ADAM22: variants seen among roughly 807,000 people sequenced by gnomAD.
ADAM22 encodes disintegrin and metalloproteinase domain-containing protein 22.
A neutral mutation model predicts 144.6 loss-of-function variants in ADAM22; 65 were observed. The observed-to-expected ratio is 0.45, with a 90% CI of 0.37 to 0.55. The LOEUF (loss-of-function observed/expected upper bound fraction) is 0.55, where lower values mean the gene tolerates loss of function less well. Among genes scored for constraint, ADAM22 ranks in the 20% least tolerant of loss-of-function variants. The pLI is 0.00. For synonymous variants in ADAM22, 391 were observed against 412.6 expected, an observed-to-expected ratio of 0.95 and a Z score of 0.63; for missense variants, 974 against 1,184.9, an observed-to-expected ratio of 0.82 and a Z score of 2.61.
chr7:88,166,919 G>A (rs559168411), intron 24 of ADAM22, among the ~76,000 whole-genome samples: 4 of 152,076 alleles, frequency 2.6e-5, no homozygotes, highest in African/African-American at 9.7e-5. Context: ...AGGAAGGGGG[G>A]GCAGACATGC....
chr7:88,105,881 A>G (rs1824240653), intron 4 of ADAM22, among the ~76,000 whole-genome samples: 1 of 152,214 alleles, frequency 6.6e-6, no homozygotes, highest in South Asian at 2.1e-4. Flanking sequence ...TTATAATAGC[A>G]GCAAACACTT....
intron 3 of ADAM22, among the ~76,000 whole-genome samples, chr7:88,049,318 C>A (rs1805547616): frequency 6.6e-6 from 1 of 152,140 alleles, no homozygotes; most frequent in African/African-American, 2.4e-5. Flanking sequence ...AGTCTAACAT[C>A]TTTTCTCATT....
intron 29 of ADAM22, among the ~76,000 whole-genome samples, chr7:88,184,957 A>C (rs1847949818): frequency 6.6e-6 from 1 of 152,216 alleles, no homozygotes; most frequent in African/African-American, 2.4e-5. Flanking sequence ...CTCCTCCCGG[A>C]AGTGGCCGTC....
chr7:87,978,393 C>G lies in ADAM22; in HGVS notation c.304C>G (p.Leu102Val), dbSNP rs1368093363. The G allele has an allele frequency of 1.2e-6, 2 of 1,613,490 alleles. No individual in the cohort carries two copies. The highest frequency in any genetic ancestry group is 1.7e-6 in the Non-Finnish European group (2 of 1,179,768). ...QVDAFGTSFI[L>V]DVVLNHDLLS... is the part of the protein sequence containing the mutation. ...TGATGCCTTTGGAACGTCATTCATT[C>G]TCGATGTCGTGCTAAATCAGTAAGT... Residue 102 changes from leucine (L) to valine (V), a missense_variant, in exon 3 of 32, where the codon CTC (leucine) becomes GTC (valine). Physicochemically the swap from Leu to Val is conservative, Grantham distance 32. Around this residue, in one of 2 missense-constraint regions of ADAM22, gnomAD observed 240 missense variants for 234.3 expected, o/e 1.02. Coordinates refer to ENST00000413139, the MANE Select transcript of ADAM22 (RefSeq NM_001324418.2).
chr7:87,996,969 G>A (rs1315581138), intron 3 of ADAM22, among the ~76,000 whole-genome samples: 1 of 152,162 alleles, frequency 6.6e-6, no homozygotes, highest in Non-Finnish European at 1.5e-5. Context: ...GGCATGTGGA[G>A]GTGCTCAGTG....
intron 30 of ADAM22, among the ~76,000 whole-genome samples, chr7:88,188,993 G>T (rs1003516564): frequency 1.3e-5 from 2 of 152,190 alleles, no homozygotes; most frequent in African/African-American, 4.8e-5. Context: ...TGGCTTTGCG[G>T]CATCCTTATC....
At chr7:88,030,267 T>G (rs958564099) in intron 3 of ADAM22, among the ~76,000 whole-genome samples, 3 of 152,168 alleles carry the variant, frequency 2.0e-5, no homozygotes, top group African/African-American at 7.2e-5. Flanking sequence ...TGAGAGACTC[T>G]GATGTATTCT....
intron 9 of ADAM22, among the ~76,000 whole-genome samples, chr7:88,129,150 G>A (rs1481246114): frequency 6.6e-6 from 1 of 152,008 alleles, no homozygotes; most frequent in African/African-American, 2.4e-5. Context: ...AGCTTAGGAT[G>A]AAGTTTCTTA....
chr7:87,978,540 T>C (rs1852458167), intron 3 of ADAM22, 128 bp downstream of exon 3: 1 of 659,240 alleles, frequency 1.5e-6, no homozygotes, highest in Non-Finnish European at 2.5e-6. Context: ...CATTTTAAAC[T>C]ATACTTATTT....
intron 3 of ADAM22, among the ~76,000 whole-genome samples, chr7:87,994,456 C>T (rs1354716024): frequency 1.3e-5 from 2 of 152,010 alleles, no homozygotes; most frequent in Admixed American, 6.6e-5. Context: ...CCACCGCGCC[C>T]GGCCTAGTTA....
At chr7:88,115,007 C>T (rs1454537929) in intron 6 of ADAM22, among the ~76,000 whole-genome samples, 1 of 151,618 alleles carries the variant, frequency 6.6e-6, no homozygotes, top group East Asian at 1.9e-4. Context: ...AATCCCAGCA[C>T]TATTGGAGGC....
Position 88,042,965 on chromosome 7 carries a change from A to T in ADAM22, c.324-32661A>T, listed in dbSNP as rs376574636. On this transcript the variant is annotated intron_variant, in intron 3 of 31. Coordinates refer to ENST00000413139, the MANE Select transcript of ADAM22 (RefSeq NM_001324418.2). The stretch of plus-strand genomic sequence containing the variant: ...ACACCATAGCTGTAAAAGAAGAAAA[A>T]GTTGCTTCTGGTAGCAAGAAGGTGG... Among the ~76,000 whole-genome samples the T allele has an allele frequency of 2.6e-5, 4 of 151,512 alleles. No homozygotes were observed. The East Asian group carries it at 7.7e-4, about 29-fold the overall frequency.
intron 3 of ADAM22, among the ~76,000 whole-genome samples, chr7:88,013,856 A>G (rs1795992593): frequency 6.6e-6 from 1 of 152,222 alleles, no homozygotes. Context: ...TGATGATGAG[A>G]GCGATTTGTC....
At chr7:88,162,987 T>A in intron 22 of ADAM22, 25 bp from the exon 23 acceptor site, 1 of 1,599,190 alleles carries the variant, frequency 6.3e-7, no homozygotes, top group Non-Finnish European at 8.5e-7. Context: ...AATAGATTCA[T>A]TTTTTGCTCT....
intron 22 of ADAM22, among the ~76,000 whole-genome samples, chr7:88,156,922 A>G (rs534774436): frequency 6.6e-6 from 1 of 152,218 alleles, no homozygotes; most frequent in East Asian, 1.9e-4. Context: ...GAAAAAAAAA[A>G]GACAAAAACA....
chr7:88,070,099 G>T (rs904026745), intron 3 of ADAM22, among the ~76,000 whole-genome samples: 10 of 152,060 alleles, frequency 6.6e-5, no homozygotes, highest in Admixed American at 2.0e-4. Context: ...GGTCCAAGCT[G>T]GTGTGGTTCC....
chr7:87,961,667 A>G (rs1848024925), intron 2 of ADAM22, among the ~76,000 whole-genome samples: 1 of 152,202 alleles, frequency 6.6e-6, no homozygotes, highest in Non-Finnish European at 1.5e-5. Flanking sequence ...AAAGCTTACT[A>G]AGTAGCAGAT....
chr7:88,044,843 A>G (rs1804156910), intron 3 of ADAM22, among the ~76,000 whole-genome samples: 1 of 151,994 alleles, frequency 6.6e-6, no homozygotes, highest in Non-Finnish European at 1.5e-5. Context: ...CTCCTGCCTC[A>G]GCCTCCCAAG....
intron 3 of ADAM22, among the ~76,000 whole-genome samples, chr7:87,990,808 G>T (rs761203141): frequency 6.6e-6 from 1 of 151,950 alleles, no homozygotes; most frequent in Non-Finnish European, 1.5e-5. Flanking sequence ...GATTACAGGC[G>T]CCTGCCACCA....
Sources: gnomAD v4.1 joint callset for allele counts (sites outside exome capture counted in the v4.1 genomes callset) on GRCh38, gnomAD v4.1.1 for gene constraint, gnomAD v4.1.1 regional missense constraint, MANE v1.5 for transcripts, NCBI Gene and HGNC (gene_info 2026-07-23, HGNC 2026-07-21) for gene names.